MRPS6: variants seen among roughly 807,000 people sequenced by gnomAD.
MRPS6 encodes small ribosomal subunit protein bS6m.
MRPS6 carries 6 observed loss-of-function variants against 13.1 expected under a neutral mutation model. The observed-to-expected ratio is 0.46, with a 90% confidence interval of 0.25 to 0.91. The LOEUF (loss-of-function observed/expected upper bound fraction) is 0.91. Among genes scored for constraint, MRPS6 ranks in the 40% least tolerant of loss-of-function variants. The pLI is 0.18. For synonymous variants in MRPS6, 61 were observed against 56.5 expected (o/e 1.08, Z -0.36); for missense variants, 164 against 155.6 (o/e 1.05, Z -0.29).
Position 34,104,924 on chromosome 21 carries a change from G to T in MRPS6, c.46-20417G>T, listed in dbSNP as rs537897153. The T allele has an allele frequency of 3.7e-5, 37 of 1,000,054 alleles. No individual in the cohort carries two copies. The African/African-American group carries it at 5.6e-4, about 15-fold the overall frequency. The allele number at this position is 1,000,054 out of a possible 1,614,324, so 61.9% of individuals were successfully genotyped here. Reference sequence around the variant, plus strand: ...AATGCCTTTCATCTATAATTTCATGGAGAACTGCTTTAATTAGCCTAGGTG... The same window carrying T: ...AATGCCTTTCATCTATAATTTCATGTAGAACTGCTTTAATTAGCCTAGGTG... On this transcript the variant is annotated intron_variant, in intron 1 of 2. Coordinates refer to ENST00000399312, the MANE Select transcript of MRPS6 (RefSeq NM_032476.4).
At chr21:34,140,097 T>C (rs1251023656) in intron 2 of MRPS6, among the ~76,000 whole-genome samples, 2 of 152,146 alleles carry the variant, frequency 1.3e-5, no homozygotes, top group Non-Finnish European at 2.9e-5. Flanking sequence ...GTTTCATTGA[T>C]GTTCTCTGTT....
rs970383965 is a variant in MRPS6 at position 34,135,693 on chromosome 21, A to G, written c.186-6715A>G. 6.9e-5 allele frequency: 27 copies of G among 388,940 alleles called. 1 individual carries two copies. Among genetic ancestry groups the G allele is most frequent in the Middle Eastern group, 4.2e-4 (1 of 2,354 alleles). The allele number at this position is 388,940 out of a possible 1,614,324, so 24.1% of individuals were successfully genotyped here. The stretch of plus-strand genomic sequence containing the variant: ...CTGTGGAGTCCTCCTGGGGACCACC[A>G]TTGATGATGGTGTTCACCAGGACCT... On this transcript the variant is annotated intron_variant, in intron 2 of 2. Coordinates refer to ENST00000399312, the MANE Select transcript of MRPS6 (RefSeq NM_032476.4).
At chr21:34,097,593 T>C in intron 1 of MRPS6, 4 of 1,252,674 alleles carry the variant, frequency 3.2e-6, no homozygotes, top group Non-Finnish European at 2.0e-6. Context: ...GGTTTTAAAT[T>C]TTGCATACCA....
chr21:34,098,027 A>T, intron 1 of MRPS6: 2 of 999,392 alleles, frequency 2.0e-6, no homozygotes, highest in Non-Finnish European at 2.4e-6. Flanking sequence ...AGTTTAAGTG[A>T]ACCATACTGA....
chr21:34,084,749 CT>C (rs1481981949), intron 1 of MRPS6, among the ~76,000 whole-genome samples: 1 of 152,132 alleles, frequency 6.6e-6, no homozygotes, highest in East Asian at 1.9e-4. Flanking sequence ...TATCACTCAG[CT>C]TCAACTGTTA....
chr21:34,121,564 A>G (rs140527637), intron 1 of MRPS6, among the ~76,000 whole-genome samples: 1,532 of 151,624 alleles, frequency 0.01, 12 homozygotes, highest in Non-Finnish European at 0.016. Flanking sequence ...TGTTTCATTG[A>G]TGCATTTGGT....
chr21:34,100,289 G>A lies in MRPS6; in HGVS notation c.46-25052G>A, dbSNP rs763058438. ...TCTGATGAGAAGGGCATATTACATT[G>A]GTATGCAGGATGATTATTGCATATT... On this transcript the variant is annotated intron_variant, in intron 1 of 2. Coordinates refer to ENST00000399312, the MANE Select transcript of MRPS6 (RefSeq NM_032476.4). The A allele has an allele frequency of 8.3e-5, 83 of 999,950 alleles. 1 individual carries two copies. The Middle Eastern group carries it at 1.6e-3, about 19-fold the overall frequency. 61.9% of individuals were successfully genotyped at this position (999,950 alleles called of 1,614,324 possible).
At chr21:34,106,762 CAG>C (rs1220868913) in intron 1 of MRPS6, among the ~76,000 whole-genome samples, 1 of 152,214 alleles carries the variant, frequency 6.6e-6, no homozygotes, top group African/African-American at 2.4e-5. Context: ...GACAGAGAAA[CAG>C]TGATTTTGAA....
intron 1 of MRPS6, among the ~76,000 whole-genome samples, chr21:34,076,798 T>C (rs1989342984): frequency 6.6e-6 from 1 of 152,226 alleles, no homozygotes; most frequent in South Asian, 2.1e-4. Flanking sequence ...CCAGTCTTAG[T>C]TCATATTTAT....
At chr21:34,125,598 T>A in intron 2 of MRPS6, 118 bp downstream of exon 2, 1 of 1,441,012 alleles carries the variant, frequency 6.9e-7, no homozygotes, top group Non-Finnish European at 9.3e-7. Context: ...CGCCTAGGTG[T>A]CCTTTGGGTA....
At chr21:34,093,238 ATT>A (rs761174952) in intron 1 of MRPS6, among the ~76,000 whole-genome samples, 51 of 130,082 alleles carry the variant, frequency 3.9e-4, no homozygotes, top group Admixed American at 3.8e-4. Context: ...AACTTTTAAG[ATT>A]TTTTTTTTTT....
At chr21:34,105,525 A>G (rs527946463) in intron 1 of MRPS6, 1 of 999,892 alleles carries the variant, frequency 1.0e-6, no homozygotes, top group Admixed American at 6.1e-5. Context: ...GTCTACATTG[A>G]AACATGTTCT....
At position 34,096,741 on chromosome 21, in the gene MRPS6, G is replaced by A; in HGVS notation, c.45+22996G>A. 6.2e-7 allele frequency: 1 copy of A among 1,614,038 alleles called. No individual in the cohort carries two copies. The highest frequency in any genetic ancestry group is 8.5e-7 in the Non-Finnish European group (1 of 1,179,976). On this transcript the variant is annotated intron_variant, in intron 1 of 2. Coordinates refer to ENST00000399312, the MANE Select transcript of MRPS6 (RefSeq NM_032476.4). The surrounding 1 kb of genome is among the most constrained non-coding windows in gnomAD (Gnocchi z 5.9). ...CAAAGACATCCATTATATGTATGTG[G>A]CCACAGGATTGTTTTGGGTCACGGG...
intron 1 of MRPS6, among the ~76,000 whole-genome samples, chr21:34,080,560 A>AACT (rs1989435881): frequency 1.3e-5 from 2 of 152,238 alleles, no homozygotes; most frequent in Admixed American, 1.3e-4. Flanking sequence ...CTCATTTGGT[A>AACT]CATTAAACAA....
chr21:34,124,563 G>A (rs1233541633), intron 1 of MRPS6: 2 of 145,552 alleles, frequency 1.4e-5, no homozygotes, highest in South Asian at 4.3e-4. Context: ...GTGTATACCC[G>A]TCTATCTCCT....
chr21:34,104,012 C>A, intron 1 of MRPS6: 5 of 1,000,062 alleles, frequency 5.0e-6, no homozygotes, highest in Non-Finnish European at 6.0e-6. Flanking sequence ...GGAAATATTA[C>A]CTCTTAACAG....
chr21:34,125,343 A>G lies in MRPS6; in HGVS notation c.48A>G (p.Pro16=), dbSNP rs146073796. ...TTTAAAAACACAAACAAAAACAGCCAGAGACTGCTGCTACTTTGAAACGTA... is the reference window on the plus strand; with the variant it reads ...TTTAAAAACACAAACAAAAACAGCCGGAGACTGCTGCTACTTTGAAACGTA... The part of the protein sequence containing the change: ...LALILKAMQR[P]ETAATLKRTI... Residue 16 remains proline, a splice_region_variant and synonymous_variant, in exon 2 of 3, where the codon CCA becomes CCG. Transcript: ENST00000399312. 60 of 1,606,698 alleles carry G rather than the reference A, an allele frequency of 3.7e-5. No individual in the cohort carries two copies. The highest frequency in any genetic ancestry group is 1.4e-4 in the Admixed American group (8 of 57,936).
chr21:34,097,119 G>A (rs1209616997), intron 1 of MRPS6: 1 of 1,614,004 alleles, frequency 6.2e-7, no homozygotes, highest in Non-Finnish European at 8.5e-7. Flanking sequence ...TCTCATGGGT[G>A]AGAAAGAGAG....
At chr21:34,103,133 CCAAA>C in intron 1 of MRPS6, 2 of 999,816 alleles carry the variant, frequency 2.0e-6, no homozygotes, top group South Asian at 9.4e-5. Context: ...TGCAGAAATC[CCAAA>C]CTGGCAAAGG....
Sources: gnomAD v4.1 joint callset for allele counts (sites outside exome capture counted in the v4.1 genomes callset) on GRCh38, gnomAD v4.1.1 for gene constraint, Gnocchi (gnomAD v3.1) non-coding constraint, MANE v1.5 for transcripts, NCBI Gene and HGNC (gene_info 2026-07-23, HGNC 2026-07-21) for gene names.